The following RNF212B variants were observed in gnomAD, a reference collection of about 807,000 sequenced individuals.
RNF212B encodes E3 ubiquitin-protein ligase RNF212B.
In RNF212B, 52 loss-of-function variants were observed where a neutral mutation model predicts 55.5. The observed-to-expected ratio is 0.94, with a 90% confidence interval of 0.75 to 1.18. RNF212B has a LOEUF of 1.18. RNF212B is among the 50% of genes most tolerant of loss of function. The probability of loss-of-function intolerance (pLI) is 0.00; values close to 1 mark genes in which losing one functional copy is unlikely to be tolerated. For missense variants in RNF212B, 289 were observed against 350.4 expected (o/e 0.82, Z 1.40); for synonymous variants, 99 against 121.4 (o/e 0.82, Z 1.21).
chr14:23,265,985 G>GT (rs576269316), intron 11 of RNF212B, among the ~76,000 whole-genome samples: 123 of 150,822 alleles, frequency 8.2e-4, no homozygotes, highest in Non-Finnish European at 1.3e-3. Context: ...GTTCATTTGT[G>GT]TTTTTTTTTG....
chr14:23,248,406 A>G (rs1224932595), intron 4 of RNF212B, among the ~76,000 whole-genome samples: 1 of 146,872 alleles, frequency 6.8e-6, no homozygotes, highest in Admixed American at 6.8e-5. Flanking sequence ...TGCTGCAATT[A>G]CAGGCATGAG....
At chr14:23,243,551 C>T (rs1041630102) in intron 3 of RNF212B, among the ~76,000 whole-genome samples, 1 of 151,330 alleles carries the variant, frequency 6.6e-6, no homozygotes, top group African/African-American at 2.4e-5. Context: ...AAAAAATTAG[C>T]CAGGCGTGGT....
Position 23,240,327 on chromosome 14 carries a change from T to G in RNF212B, c.-1-18T>G, listed in dbSNP as rs1594920684. ...TATTCTCTAGGTTATTCTTACTCTT[T>G]CTCTTTATCTGCTCCAGAATGGATT... On this transcript the variant is annotated intron_variant, in intron 1 of 14. Coordinates refer to ENST00000430154, the MANE Select transcript of RNF212B (RefSeq NM_001282322.3). The G allele has an allele frequency of 1.3e-6, 2 of 1,498,868 alleles. No individual in the cohort carries two copies. Among genetic ancestry groups the G allele is most frequent in the East Asian group, 4.9e-5 (2 of 40,654 alleles). 92.8% of individuals were successfully genotyped at this position (1,498,868 alleles called of 1,614,324 possible).
intron 2 of RNF212B, among the ~76,000 whole-genome samples, chr14:23,213,196 C>G (rs1282928252): frequency 1.3e-5 from 2 of 151,856 alleles, no homozygotes; most frequent in East Asian, 3.9e-4. Flanking sequence ...GCCTGTAGTC[C>G]CAGCTACTCG....
upstream of RNF212B, among the ~76,000 whole-genome samples, chr14:23,233,585 T>A (rs923705202): frequency 0.031 from 2,373 of 75,908 alleles, 13 homozygotes; most frequent in Middle Eastern, 0.049. Flanking sequence ...AAAAAAAAAA[T>A]AGAAAAATTA....
At chr14:23,204,178 G>A (rs1417801767) in intron 2 of RNF212B, among the ~76,000 whole-genome samples, 2 of 152,146 alleles carry the variant, frequency 1.3e-5, no homozygotes, top group East Asian at 3.8e-4. Flanking sequence ...TGGGTTGTCT[G>A]TTTACTCTGC....
At position 23,262,649 on chromosome 14, in the gene RNF212B, T is replaced by C. The variant is rs1885379633; in HGVS notation, c.435-16T>C. On this transcript the variant is annotated splice_polypyrimidine_tract_variant and intron_variant, in intron 7 of 14. Transcript: ENST00000430154. ...CCTAGAGAGATTAGAGCCGCCTCTT[T>C]TTTTTTCCCTTGCAGGTCAATCACA... is the stretch of plus-strand genomic sequence containing the variant. The C allele has an allele frequency of 6.5e-7, 1 of 1,549,672 alleles. No homozygotes were observed. The highest frequency in any genetic ancestry group is 1.2e-5 in the South Asian group (1 of 83,884).
chr14:23,224,880 A>G (rs1440650666), intron 2 of RNF212B, among the ~76,000 whole-genome samples: 2 of 152,222 alleles, frequency 1.3e-5, no homozygotes, highest in African/African-American at 2.4e-5. Context: ...TAACTAGACT[A>G]TATAAGGAGC....
intron 10 of RNF212B, 29 bp from the exon 11 acceptor site, chr14:23,264,594 T>C: frequency 7.7e-7 from 1 of 1,304,746 alleles, no homozygotes; most frequent in Non-Finnish European, 9.9e-7. Flanking sequence ...GATATATTTA[T>C]TAATTGATGC....
At chr14:23,244,299 A>C in intron 3 of RNF212B, 23 bp from the exon 4 acceptor site, 1 of 1,399,310 alleles carries the variant, frequency 7.1e-7, no homozygotes, top group African/African-American at 1.4e-5. Flanking sequence ...ATATTCTCAC[A>C]GTGTGTATTG....
At chr14:23,188,222 T>C (rs1376670291) in intron 1 of RNF212B, 2 of 152,178 alleles carry the variant, frequency 1.3e-5, no homozygotes, top group Admixed American at 1.3e-4. Flanking sequence ...TACTCCTCTG[T>C]CTGCTGCACT....
chr14:23,242,079 C>G (rs1406705541), intron 2 of RNF212B, among the ~76,000 whole-genome samples: 1 of 41,484 alleles, frequency 2.4e-5, no homozygotes, highest in African/African-American at 9.3e-5. Flanking sequence ...AAGACTCCGT[C>G]TCAAAAAAAA....
At chr14:23,222,239 T>C (rs2140407151) in intron 2 of RNF212B, among the ~76,000 whole-genome samples, 1 of 151,872 alleles carries the variant, frequency 6.6e-6, no homozygotes, top group Middle Eastern at 3.4e-3. Flanking sequence ...TGATAAACTT[T>C]TAGCCAGACT....
At chr14:23,210,560 G>A (rs1374256257) in intron 2 of RNF212B, among the ~76,000 whole-genome samples, 1 of 152,000 alleles carries the variant, frequency 6.6e-6, no homozygotes, top group Non-Finnish European at 1.5e-5. Context: ...GGTGGATCAC[G>A]AGGTCAGGAG....
At chr14:23,263,748 T>TC (rs201666883) in intron 9 of RNF212B, among the ~76,000 whole-genome samples, 3 of 151,962 alleles carry the variant, frequency 2.0e-5, no homozygotes, top group African/African-American at 7.2e-5. Context: ...ATGTGCCCCT[T>TC]CCCCCAAAAA....
At chr14:23,207,560 A>G (rs1879969042) in intron 2 of RNF212B, among the ~76,000 whole-genome samples, 1 of 152,244 alleles carries the variant, frequency 6.6e-6, no homozygotes, top group Non-Finnish European at 1.5e-5. Context: ...TTCAGACCTC[A>G]GCAAATTGTC....
At chr14:23,261,248 C>T (rs1412011994) in intron 7 of RNF212B, 2 of 263,520 alleles carry the variant, frequency 7.6e-6, no homozygotes, top group African/African-American at 4.6e-5. Context: ...GAGGAACAGA[C>T]TATAACCTAA....
chr14:23,231,877 A>G (rs1488322065), intron 2 of RNF212B, among the ~76,000 whole-genome samples: 2 of 152,192 alleles, frequency 1.3e-5, no homozygotes, highest in Admixed American at 6.5e-5. Flanking sequence ...CCTAACCGTG[A>G]GTGATCTGCC....
At chr14:23,268,761 C>A (rs938002318) in intron 11 of RNF212B, among the ~76,000 whole-genome samples, 163 bp from the exon 12 acceptor site, 2 of 152,208 alleles carry the variant, frequency 1.3e-5, no homozygotes, top group East Asian at 3.8e-4. Context: ...ATAAGAGATA[C>A]TGCTATGTGA....
Sources: gnomAD v4.1 joint callset for allele counts (sites outside exome capture counted in the v4.1 genomes callset) on GRCh38, gnomAD v4.1.1 for gene constraint, MANE v1.5 for transcripts, NCBI Gene and HGNC (gene_info 2026-07-23, HGNC 2026-07-21) for gene names.